Variants in CLPB observed in about 807,000 individuals in gnomAD.
The protein encoded by CLPB is mitochondrial disaggregase.
CLPB carries 40 observed loss-of-function variants against 78.4 expected under a neutral mutation model. The ratio of observed to expected loss-of-function variants is 0.51; its 90% CI spans 0.40 to 0.66. CLPB has a LOEUF of 0.66. Ranked by LOEUF, CLPB falls within the 30% of genes least tolerant of loss-of-function variation. The pLI, the probability that CLPB is intolerant of heterozygous loss-of-function variation, is 0.00. For missense variants in CLPB, 780 were observed against 886.9 expected, an observed-to-expected ratio of 0.88 and a Z score of 1.53; for synonymous variants, 333 against 348.0, an observed-to-expected ratio of 0.96 and a Z score of 0.48.
At chr11:72,417,215 T>A (rs1349681890) in intron 2 of CLPB, among the ~76,000 whole-genome samples, 2 of 152,120 alleles carry the variant, frequency 1.3e-5, no homozygotes, top group Admixed American at 6.5e-5. Context: ...GTACATCCAA[T>A]AAAATGTAGT....
intron 12 of CLPB, 69 bp from the exon 13 acceptor site, chr11:72,294,762 T>C: frequency 1.5e-6 from 2 of 1,300,822 alleles, no homozygotes; most frequent in Non-Finnish European, 1.1e-6. Context: ...GCCTGCCCCT[T>C]GGCCTGCCCA....
chr11:72,429,597 CAT>C (rs1038243715), intron 2 of CLPB, among the ~76,000 whole-genome samples: 15 of 152,308 alleles, frequency 9.8e-5, no homozygotes, highest in Non-Finnish European at 1.9e-4. Flanking sequence ...CAGTGGGGGG[CAT>C]AGTTTCAACA....
At chr11:72,297,916 A>G (rs941665460) in intron 11 of CLPB, among the ~76,000 whole-genome samples, 2 of 152,074 alleles carry the variant, frequency 1.3e-5, no homozygotes, top group African/African-American at 4.8e-5. Flanking sequence ...GACTGACCCA[A>G]AGGGTGACTT....
chr11:72,368,950 T>C (rs1481516043), intron 4 of CLPB, among the ~76,000 whole-genome samples: 2 of 152,156 alleles, frequency 1.3e-5, no homozygotes, highest in African/African-American at 4.8e-5. Context: ...GCATGGGGGC[T>C]CAGAATAGAG....
intron 3 of CLPB, among the ~76,000 whole-genome samples, chr11:72,395,067 C>T (rs1855365994): frequency 6.6e-6 from 1 of 152,160 alleles, no homozygotes; most frequent in Non-Finnish European, 1.5e-5. Context: ...AAATCCTGCC[C>T]AACTCCTCTG....
rs116118397 is a variant in CLPB, at chr11:72,301,879, T to C, written c.1253A>G (p.Asn418Ser). Reference sequence around the variant, plus strand: ...TACTTCATCAAAGAGCACCACAGCATTGGGGCACTGCTTCAACTTCTTGGT... The same window carrying C: ...TACTTCATCAAAGAGCACCACAGCACTGGGGCACTGCTTCAACTTCTTGGT... ...QLTKKLKQCP[N>S]AVVLFDEVDK... Residue 418 changes from asparagine (N) to serine (S), a missense_variant, in exon 11 of 16, where the codon AAT (asparagine) becomes AGT (serine). Asn to Ser is a conservative substitution (Grantham distance 46, BLOSUM62 1). Coordinates refer to ENST00000538039, the MANE Select transcript of CLPB (RefSeq NM_001258392.3). 2.4e-4 allele frequency: 381 copies of C among 1,614,164 alleles called. 1 individual carries two copies. In the African/African-American group the frequency reaches 3.8e-3, roughly 16 times the overall value.
At chr11:72,422,143 T>G (rs1590930448) in intron 2 of CLPB, among the ~76,000 whole-genome samples, 1 of 151,746 alleles carries the variant, frequency 6.6e-6, no homozygotes, top group Non-Finnish European at 1.5e-5. Context: ...GGCGGGCGCC[T>G]GTAGTCCAGC....
chr11:72,339,406 C>T (rs1417111439), intron 5 of CLPB, among the ~76,000 whole-genome samples: 1 of 152,200 alleles, frequency 6.6e-6, no homozygotes, highest in Non-Finnish European at 1.5e-5. Context: ...ATTCATTCTA[C>T]ATGAATCCAA....
chr11:72,407,980 G>T, intron 2 of CLPB: 1 of 705,374 alleles, frequency 1.4e-6, no homozygotes, highest in Non-Finnish European at 2.4e-6. Context: ...CCTAAAGGAA[G>T]GCACATCATC....
rs1949433542 is a variant in CLPB at position 72,290,027 on chromosome 11, G to A, written c.*3340C>T. 1.3e-5 allele frequency: 2 copies of A among 152,198 alleles called. No individual in the cohort carries two copies. The highest frequency in any genetic ancestry group is 2.4e-5 in the African/African-American group (1 of 41,448). 9.4% of individuals were successfully genotyped at this position (152,198 alleles called of 1,614,324 possible). A position where few individuals can be genotyped will look rare whatever the true frequency, so the allele number is the denominator to read the frequency against. On this transcript the variant is annotated 3_prime_UTR_variant, in exon 16 of 16. Coordinates refer to ENST00000538039, the MANE Select transcript of CLPB (RefSeq NM_001258392.3). ...TCCGCCAATGATACTCTAGCCAGGA[G>A]TATATATTCTGTCCAGATCTTGGTT... is the stretch of plus-strand genomic sequence containing the variant.
At chr11:72,351,725 C>T (rs1950616932) in intron 5 of CLPB, among the ~76,000 whole-genome samples, 1 of 152,098 alleles carries the variant, frequency 6.6e-6, no homozygotes, top group East Asian at 1.9e-4. Flanking sequence ...GCACCTGCCA[C>T]CATGCCTGGC....
At chr11:72,369,326 G>A (rs368511210) in intron 4 of CLPB, among the ~76,000 whole-genome samples, 1 of 152,008 alleles carries the variant, frequency 6.6e-6, no homozygotes, top group Non-Finnish European at 1.5e-5. Context: ...TTCCTATCTC[G>A]CCTAACTCTC....
intron 3 of CLPB, among the ~76,000 whole-genome samples, chr11:72,393,372 A>G (rs1280062054): frequency 6.6e-6 from 1 of 152,218 alleles, no homozygotes; most frequent in East Asian, 1.9e-4. Context: ...CAAAAAGAAA[A>G]AACAATATTA....
At chr11:72,432,741 G>C (rs1856583864) in intron 1 of CLPB, among the ~76,000 whole-genome samples, 1 of 152,182 alleles carries the variant, frequency 6.6e-6, no homozygotes, top group South Asian at 2.1e-4. Context: ...AGAAGCAAAA[G>C]TCCAAATTCA....
chr11:72,323,678 C>A (rs1439101545), intron 6 of CLPB, among the ~76,000 whole-genome samples: 3 of 151,892 alleles, frequency 2.0e-5, no homozygotes, highest in Non-Finnish European at 4.4e-5. Context: ...ACGTTTGGAC[C>A]ATTCCAGATT....
intron 2 of CLPB, chr11:72,410,934 ACT>A (rs1020317289): frequency 1.4e-4 from 22 of 151,746 alleles, no homozygotes; most frequent in African/African-American, 5.3e-4. Flanking sequence ...CCATACTATT[ACT>A]CTTTTTTAAA....
chr11:72,359,287 G>A (rs966531623), intron 4 of CLPB: 5 of 562,882 alleles, frequency 8.9e-6, no homozygotes, highest in Admixed American at 4.6e-5. Context: ...GACAAGGGAG[G>A]CAGACAATAA....
intron 3 of CLPB, among the ~76,000 whole-genome samples, chr11:72,391,081 G>C (rs1326543659): frequency 6.6e-6 from 1 of 151,990 alleles, no homozygotes; most frequent in African/African-American, 2.4e-5. Context: ...AATTGAACTT[G>C]ACCATTTGTT....
chr11:72,332,647 C>T (rs1450740864), intron 5 of CLPB: 1 of 152,266 alleles, frequency 6.6e-6, no homozygotes, highest in Admixed American at 6.5e-5. Context: ...CCCCTACCCC[C>T]AGCCCCAGCA....
Sources: gnomAD v4.1 joint callset for allele counts (sites outside exome capture counted in the v4.1 genomes callset) on GRCh38, gnomAD v4.1.1 for gene constraint, MANE v1.5 for transcripts, NCBI Gene and HGNC (gene_info 2026-07-23, HGNC 2026-07-21) for gene names.